Variants in RNF150 observed in about 807,000 individuals in gnomAD.
RNF150 encodes ring finger protein 150.
Under a neutral mutation model 39.3 loss-of-function variants are expected in RNF150, and 24 were observed. The ratio of observed to expected loss-of-function variants is 0.61; its 90% CI spans 0.44 to 0.86. The LOEUF (loss-of-function observed/expected upper bound fraction) is 0.86. Among genes scored for constraint, RNF150 ranks in the 40% least tolerant of loss-of-function variants. The pLI is 0.00. For missense variants in RNF150, 502 were observed against 587.8 expected (o/e 0.85, Z 1.51); for synonymous variants, 255 against 227.3 (o/e 1.12, Z -1.10).
Position 141,070,470 on chromosome 4 carries a change from G to A in RNF150, c.484+61855C>T, listed in dbSNP as rs1450842938. 2.3e-3 allele frequency among the ~76,000 whole-genome samples: 339 copies of A among 146,518 alleles called. 1 individual carries two copies. Among genetic ancestry groups the A allele is most frequent in the African/African-American group, 7.5e-3 (303 of 40,290 alleles). The stretch of plus-strand genomic sequence containing the variant: ...ACCTACAAAATGGGAGAAAATTTTC[G>A]CAACCTACTCATCTGACAAAGGGCT... On this transcript the variant is annotated intron_variant, in intron 1 of 6. Coordinates refer to ENST00000515673, the MANE Select transcript of RNF150 (RefSeq NM_020724.2).
chr4:141,102,301 A>G (rs1304201634), intron 1 of RNF150, among the ~76,000 whole-genome samples: 1 of 152,208 alleles, frequency 6.6e-6, no homozygotes, highest in Admixed American at 6.5e-5. Flanking sequence ...ACCCATCTAA[A>G]AAATTAGAGT....
At chr4:141,023,425 T>G (rs1022227747) in intron 1 of RNF150, among the ~76,000 whole-genome samples, 11 of 151,686 alleles carry the variant, frequency 7.3e-5, no homozygotes, top group Non-Finnish European at 1.6e-4. Context: ...TTCATATTTT[T>G]TTTTTTAAGT....
At chr4:140,906,862 C>CA (rs2111262639) in intron 6 of RNF150, among the ~76,000 whole-genome samples, 1 of 152,218 alleles carries the variant, frequency 6.6e-6, no homozygotes, top group South Asian at 2.1e-4. Context: ...TAACGATCTG[C>CA]AGGCAGTGCT....
chr4:140,934,314 ACAT>A (rs531624626), intron 4 of RNF150, among the ~76,000 whole-genome samples: 1 of 152,156 alleles, frequency 6.6e-6, no homozygotes, highest in Non-Finnish European at 1.5e-5. Context: ...CAGCCTAAAA[ACAT>A]CATTTTTTAA....
At chr4:140,973,202 C>T (rs1018400121) in intron 1 of RNF150, among the ~76,000 whole-genome samples, 3 of 151,996 alleles carry the variant, frequency 2.0e-5, no homozygotes, top group Non-Finnish European at 2.9e-5. Context: ...AATTATACAT[C>T]AGTAAAGCTA....
chr4:141,151,201 C>T (rs1377951446), intron 1 of RNF150, among the ~76,000 whole-genome samples: 1 of 152,136 alleles, frequency 6.6e-6, no homozygotes, highest in Non-Finnish European at 1.5e-5. Flanking sequence ...GCCTCAGCCT[C>T]CCAAAGTGCT....
intron 1 of RNF150, among the ~76,000 whole-genome samples, chr4:141,152,145 C>T (rs1261195915): frequency 6.6e-5 from 10 of 152,108 alleles, no homozygotes; most frequent in Admixed American, 3.9e-4. Flanking sequence ...AATATATGAA[C>T]GATTGAGCTG....
At chr4:140,998,705 G>A (rs1205640200) in intron 1 of RNF150, among the ~76,000 whole-genome samples, 1 of 152,134 alleles carries the variant, frequency 6.6e-6, no homozygotes, top group Admixed American at 6.5e-5. Flanking sequence ...GTGACAGAGT[G>A]GGCATGAGGA....
chr4:140,887,731 G>T (rs1309450489), intron 6 of RNF150, among the ~76,000 whole-genome samples: 1 of 152,164 alleles, frequency 6.6e-6, no homozygotes, highest in Non-Finnish European at 1.5e-5. Flanking sequence ...AGGTCAAGCT[G>T]CAGAACACAG....
intron 1 of RNF150, among the ~76,000 whole-genome samples, chr4:141,112,073 A>G (rs1305393637): frequency 6.6e-6 from 1 of 152,188 alleles, no homozygotes. Context: ...CTCTGAGAAC[A>G]TCATCATTTT....
rs182272860 is a variant in RNF150, at chr4:140,907,147, G to A, written c.1198+3997C>T. 1.1e-4 allele frequency among the ~76,000 whole-genome samples: 17 copies of A among 152,204 alleles called. No homozygotes were observed. The East Asian group carries it at 3.1e-3, about 28-fold the overall frequency. ...CCTGTGGAAGCAAACCCAACAATCTGCATCCTGAGCTTGAGAAGTTAAAGG... is the reference window on the plus strand; with the variant it reads ...CCTGTGGAAGCAAACCCAACAATCTACATCCTGAGCTTGAGAAGTTAAAGG... On this transcript the variant is annotated intron_variant, in intron 6 of 6. Transcript: ENST00000515673.
chr4:141,086,530 T>C (rs2110995282), intron 1 of RNF150, among the ~76,000 whole-genome samples: 1 of 152,268 alleles, frequency 6.6e-6, no homozygotes, highest in Middle Eastern at 3.4e-3. Flanking sequence ...AGCAGTGTAT[T>C]GACATCAACT....
chr4:140,912,234 T>G (rs1730635442), intron 5 of RNF150, among the ~76,000 whole-genome samples: 1 of 152,228 alleles, frequency 6.6e-6, no homozygotes. Flanking sequence ...ATGAATATAT[T>G]TCTATCTCTT....
rs150834930 is a variant in RNF150, at chr4:140,940,774, T to A, written c.890+6880A>T. ...GTTCAGGAATAACCTACCCCTTATT[T>A]AGCATCTGCTTAAGAATGGGTATAA... On this transcript the variant is annotated intron_variant, in intron 4 of 6. Coordinates refer to ENST00000515673, the MANE Select transcript of RNF150 (RefSeq NM_020724.2). Among the ~76,000 whole-genome samples, 765 of 152,334 alleles carry A rather than the reference T, an allele frequency of 5.0e-3. 12 individuals carry two copies. Among genetic ancestry groups the A allele is most frequent in the African/African-American group, 0.017 (724 of 41,574 alleles).
intron 1 of RNF150, among the ~76,000 whole-genome samples, chr4:141,030,368 C>T (rs1028633875): frequency 3.3e-5 from 5 of 151,348 alleles, no homozygotes; most frequent in African/African-American, 9.7e-5. Context: ...ATAAATTGTA[C>T]AGCCATTATG....
intron 1 of RNF150, among the ~76,000 whole-genome samples, chr4:141,126,849 G>A (rs1470563779): frequency 6.6e-6 from 1 of 152,110 alleles, no homozygotes; most frequent in East Asian, 1.9e-4. Flanking sequence ...CTGAGGGTGA[G>A]AAGAGAAAAA....
At chr4:140,884,276 C>T (rs1046025301) in intron 6 of RNF150, among the ~76,000 whole-genome samples, 3 of 152,140 alleles carry the variant, frequency 2.0e-5, no homozygotes, top group Non-Finnish European at 4.4e-5. Flanking sequence ...TCTGATAATT[C>T]ATATATCTCC....
At chr4:140,976,596 C>A (rs1185953262) in intron 1 of RNF150, among the ~76,000 whole-genome samples, 1 of 151,872 alleles carries the variant, frequency 6.6e-6, no homozygotes, top group African/African-American at 2.4e-5. Flanking sequence ...TTTCCAGTGC[C>A]ACTTCCTCTT....
At chr4:141,192,558 G>C (rs1162166929) in intron 1 of RNF150, among the ~76,000 whole-genome samples, 1 of 152,176 alleles carries the variant, frequency 6.6e-6, no homozygotes, top group African/African-American at 2.4e-5. Flanking sequence ...ATCAGGAAAG[G>C]TCTATCTGAG....
Sources: gnomAD v4.1 joint callset for allele counts (sites outside exome capture counted in the v4.1 genomes callset) on GRCh38, gnomAD v4.1.1 for gene constraint, MANE v1.5 for transcripts, NCBI Gene and HGNC (gene_info 2026-07-23, HGNC 2026-07-21) for gene names.